ARHGAP8: variants seen among roughly 807,000 people sequenced by gnomAD.
The protein encoded by ARHGAP8 is rho GTPase-activating protein 8.
A neutral mutation model predicts 46.1 loss-of-function variants in ARHGAP8; 62 were observed. The ratio of observed to expected loss-of-function variants is 1.34; its 90% CI spans 1.10 to 1.66. ARHGAP8 has a LOEUF of 1.66. ARHGAP8 is among the 40% of genes most tolerant of loss of function. ARHGAP8 has a pLI of 0.00. For synonymous variants in ARHGAP8, 375 were observed against 243.1 expected (o/e 1.54, Z -5.05); for missense variants, 923 against 568.4 (o/e 1.62, Z -6.34).
intron 5 of ARHGAP8, among the ~76,000 whole-genome samples, chr22:44,818,277 C>T (rs936442988): frequency 2.0e-5 from 3 of 151,956 alleles, no homozygotes; most frequent in Non-Finnish European, 4.4e-5. Context: ...GGTGAAACCC[C>T]GTCTCTACTA....
At chr22:44,794,066 G>C (rs1378904809) in intron 2 of ARHGAP8, among the ~76,000 whole-genome samples, 1 of 152,194 alleles carries the variant, frequency 6.6e-6, no homozygotes, top group Non-Finnish European at 1.5e-5. Flanking sequence ...GTCAGCCTCG[G>C]CCAGCTGCTC....
chr22:44,783,611 C>A (rs1467653842), intron 1 of ARHGAP8, among the ~76,000 whole-genome samples: 1 of 152,224 alleles, frequency 6.6e-6, no homozygotes, highest in Non-Finnish European at 1.5e-5. Context: ...TGCTCCACCG[C>A]ACTAGAACCG....
At chr22:44,815,611 A>C (rs561712815) in intron 5 of ARHGAP8, among the ~76,000 whole-genome samples, 1 of 151,380 alleles carries the variant, frequency 6.6e-6, no homozygotes, top group Non-Finnish European at 1.5e-5. Context: ...TTGCATAGCA[A>C]CCCAAATAAG....
In ARHGAP8 at chr22:44,786,747, G is replaced by A. The variant is rs1927269646; in HGVS notation, c.79+141G>A. The A allele has an allele frequency of 8.5e-6, 11 of 1,299,870 alleles. No homozygotes were observed. The South Asian group carries it at 1.5e-4, about 18-fold the overall frequency. The allele number at this position is 1,299,870 out of a possible 1,614,324, so 80.5% of individuals were successfully genotyped here. ...AATCTAATTAGAGCCAGGTGCAGTG[G>A]CTCATACCTTTAATCCTAGCACTTT... On this transcript the variant is annotated intron_variant, in intron 2 of 11. Transcript: ENST00000356099.
chr22:44,768,466 ATTTTTT>A (rs58497118), intron 1 of ARHGAP8, among the ~76,000 whole-genome samples: 1 of 140,982 alleles, frequency 7.1e-6, no homozygotes, highest in Non-Finnish European at 1.6e-5. Context: ...CACTTGGCTA[ATTTTTT>A]TTTTTTTTTA....
chr22:44,813,101 A>G (rs541206685), intron 4 of ARHGAP8, among the ~76,000 whole-genome samples: 1 of 152,252 alleles, frequency 6.6e-6, no homozygotes, highest in African/African-American at 2.4e-5. Context: ...TCCAAGGAGC[A>G]CAGTCGCCCT....
intron 2 of ARHGAP8, among the ~76,000 whole-genome samples, chr22:44,795,889 CCA>C (rs1928049151): frequency 2.0e-5 from 3 of 152,160 alleles, no homozygotes; most frequent in African/African-American, 7.2e-5. Context: ...CCCCACTTGC[CCA>C]CACATGCACA....
intron 1 of ARHGAP8, among the ~76,000 whole-genome samples, chr22:44,784,517 A>G (rs151175937): frequency 1.4e-4 from 21 of 152,352 alleles, no homozygotes; most frequent in Non-Finnish European, 2.5e-4. Flanking sequence ...GAATGTGTGT[A>G]GGTTCCTTGC....
chr22:44,862,770 A>ACTCTTGT lies in ARHGAP8; in HGVS notation c.*176_*177insTCTTGTC. On this transcript the variant is annotated 3_prime_UTR_variant, in exon 12 of 12. Coordinates refer to ENST00000356099, the MANE Select transcript of ARHGAP8 (RefSeq NM_181335.3). ...CTTGTCCATGGTTCCTGAGCTGTGG[A>ACTCTTGT]CCGGGATAGAATAATGCATTTGTTA... is the stretch of plus-strand genomic sequence containing the variant. The ACTCTTGT allele has an allele frequency of 3.1e-5, 24 of 763,066 alleles. No individual in the cohort carries two copies. The highest frequency in any genetic ancestry group is 4.8e-5 in the Non-Finnish European group (24 of 504,912). 47.3% of individuals were successfully genotyped at this position (763,066 alleles called of 1,614,324 possible).
chr22:44,862,192 CTCT>C, intron 11 of ARHGAP8, 80 bp from the exon 12 acceptor site: 2 of 1,504,228 alleles, frequency 1.3e-6, no homozygotes, highest in Non-Finnish European at 1.8e-6. Flanking sequence ...ACACCTACGC[CTCT>C]CCCTAAGTTC....
chr22:44,772,201 TTC>T (rs1926064123), intron 1 of ARHGAP8, among the ~76,000 whole-genome samples: 1 of 150,080 alleles, frequency 6.7e-6, no homozygotes, highest in African/African-American at 2.4e-5. Flanking sequence ...GTTTTTATGT[TTC>T]TGTTTTACTA....
intron 10 of ARHGAP8, among the ~76,000 whole-genome samples, chr22:44,859,000 T>C (rs1391774089): frequency 2.6e-5 from 4 of 151,920 alleles, no homozygotes; most frequent in Non-Finnish European, 5.9e-5. Context: ...TGTCCGTGGC[T>C]GTGTTCCAAG....
intron 1 of ARHGAP8, among the ~76,000 whole-genome samples, chr22:44,784,854 C>G (rs1461904730): frequency 6.6e-6 from 1 of 152,198 alleles, no homozygotes; most frequent in Non-Finnish European, 1.5e-5. Context: ...ATAGTAGGTA[C>G]TCAATGCATA....
intron 8 of ARHGAP8, among the ~76,000 whole-genome samples, chr22:44,845,909 A>G (rs2069943590): frequency 6.6e-6 from 1 of 152,052 alleles, no homozygotes; most frequent in Admixed American, 6.5e-5. Context: ...GGCACCAGGG[A>G]GGCTTTCCTG....
At chr22:44,801,864 C>G (rs917365103) in intron 2 of ARHGAP8, 6 of 584,410 alleles carry the variant, frequency 1.0e-5, no homozygotes, top group Admixed American at 6.0e-5. Flanking sequence ...GGGATTATTT[C>G]CAGCGTACGG....
intron 7 of ARHGAP8, among the ~76,000 whole-genome samples, chr22:44,841,455 C>T (rs953164378): frequency 6.6e-6 from 1 of 152,126 alleles, no homozygotes; most frequent in African/African-American, 2.4e-5. Context: ...CTGCTCCCTG[C>T]CTTCCAAGTG....
chr22:44,862,658 T>C lies in ARHGAP8; in HGVS notation c.*63T>C. The C allele has an allele frequency of 6.7e-7, 1 of 1,496,798 alleles. No homozygotes were observed. Among genetic ancestry groups the C allele is most frequent in the Non-Finnish European group, 8.9e-7 (1 of 1,122,778 alleles). The allele number at this position is 1,496,798 out of a possible 1,614,324, so 92.7% of individuals were successfully genotyped here. A position where few individuals can be genotyped will look rare whatever the true frequency, so the allele number is the denominator to read the frequency against. On this transcript the variant is annotated 3_prime_UTR_variant, in exon 12 of 12. Transcript: ENST00000356099. ...CACCTGTCTGTGCACTTGTATGTTT[T>C]GTAAACTTGGCATCTGTAAAAATAA... is the stretch of plus-strand genomic sequence containing the variant.
intron 5 of ARHGAP8, among the ~76,000 whole-genome samples, chr22:44,820,444 G>A (rs945954632): frequency 6.6e-6 from 1 of 152,162 alleles, no homozygotes; most frequent in Non-Finnish European, 1.5e-5. Context: ...CATCACACAG[G>A]ACGTTGACAG....
In ARHGAP8 at chr22:44,862,311, T is replaced by G. The variant is rs759755937; in HGVS notation, c.1018T>G (p.Ser340Ala). 2.5e-6 allele frequency: 4 copies of G among 1,612,806 alleles called. No individual in the cohort carries two copies. Among genetic ancestry groups the G allele is most frequent in the East Asian group, 2.2e-5 (1 of 44,824 alleles). The change falls in exon 12 of 12, where the codon TCT (serine) becomes GCT (alanine). Residue 340 changes from serine (S) to alanine (A), a missense_variant. Coordinates refer to ENST00000356099, the MANE Select transcript of ARHGAP8 (RefSeq NM_181335.3). Reference protein sequence around the residue: ...RESIFNKMNSSNLACVFGLNL... With the variant: ...RESIFNKMNSANLACVFGLNL... The stretch of plus-strand genomic sequence containing the variant: ...GAGCATCTTCAACAAAATGAACAGC[T>G]CTAACCTGGCCTGTGTCTTCGGGCT...
Sources: gnomAD v4.1 joint callset for allele counts (sites outside exome capture counted in the v4.1 genomes callset) on GRCh38, gnomAD v4.1.1 for gene constraint, MANE v1.5 for transcripts, NCBI Gene and HGNC (gene_info 2026-07-23, HGNC 2026-07-21) for gene names.